The following PDHA1 variants were observed in gnomAD, a reference collection of about 807,000 sequenced individuals.
PDHA1 encodes pyruvate dehydrogenase E1 subunit alpha 1.
Under a neutral mutation model 33.0 loss-of-function variants are expected in PDHA1, and 1 was observed. The ratio of observed to expected loss-of-function variants is 0.03; its 90% CI spans 0.01 to 0.14. PDHA1 has a LOEUF of 0.14. Ranked by LOEUF, PDHA1 falls within the 10% of genes least tolerant of loss-of-function variation. The pLI, the probability that PDHA1 is intolerant of heterozygous loss-of-function variation, is 1.00. For missense variants in PDHA1, 168 were observed against 325.1 expected, an observed-to-expected ratio of 0.52 and a Z score of 3.72; for synonymous variants, 123 against 119.2, an observed-to-expected ratio of 1.03 and a Z score of -0.21.
rs1208154799 is a variant in PDHA1, at chrX:19,360,306, ATGTTTGTTAAATACCCCT to A, written c.*662_*679del. ...GTTCTGAGGCAGTGTCCCAGCTTCC[ATGTTTGTTAAATACCCCT>A]TGTTTGTTTCACCATTCCAGCAAGT... On this transcript the variant is annotated 3_prime_UTR_variant, in exon 11 of 11. Transcript: ENST00000422285. The A allele has an allele frequency of 1.4e-5, 2 of 141,733 alleles. No homozygotes were observed. The highest frequency in any genetic ancestry group is 3.2e-5 in the African/African-American group (1 of 31,187). The allele number at this position is 141,733 out of a possible 1,213,427, so 11.7% of individuals were successfully genotyped here. A position where few individuals can be genotyped will look rare whatever the true frequency, so the allele number is the denominator to read the frequency against.
At position 19,359,881 on chromosome X, in the gene PDHA1, G is replaced by T. The variant is rs1602233992; in HGVS notation, c.*228G>T. 1 of 427,094 alleles carries T rather than the reference G, an allele frequency of 2.3e-6. No homozygotes were observed. The highest frequency in any genetic ancestry group is 4.1e-6 in the Non-Finnish European group (1 of 241,586). 35.2% of individuals were successfully genotyped at this position (427,094 alleles called of 1,213,427 possible). A position where few individuals can be genotyped will look rare whatever the true frequency, so the allele number is the denominator to read the frequency against. ...TTTTTGACTTAAAATAGTATACTTT[G>T]AACAAATACTCTAATTATGAAAAGG... On this transcript the variant is annotated 3_prime_UTR_variant, in exon 11 of 11. Transcript: ENST00000422285.
Position 19,351,088 on chromosome X carries a change from G to A in PDHA1, c.292-193G>A, listed in dbSNP as rs143441153. Among the ~76,000 whole-genome samples the A allele has an allele frequency of 7.1e-3, 796 of 112,225 alleles. 4 individuals are homozygous for A. The highest frequency in any genetic ancestry group is 0.028 in the Middle Eastern group (6 of 218). ...TCATACAGGAGAAAGGAAGGAAGTG[G>A]CACATGTGTGGGTTGCCAGTTTATT... On this transcript the variant is annotated intron_variant, in intron 3 of 10. Transcript: ENST00000422285.
rs140924266 is a variant in PDHA1, at chrX:19,346,212, G to C, written c.57+2118G>C. Among the ~76,000 whole-genome samples the C allele has an allele frequency of 3.2e-3, 360 of 112,217 alleles. 2 individuals are homozygous for C. Among genetic ancestry groups the C allele is most frequent in the African/African-American group, 0.01 (319 of 30,967 alleles). ...TCTGTGTGATACTCCATGAAGGGAG[G>C]GAGAAGGGGAGGGAGAAGGGTAGGC... On this transcript the variant is annotated intron_variant, in intron 1 of 10. Transcript: ENST00000422285.
intron 4 of PDHA1, among the ~76,000 whole-genome samples, chrX:19,351,798 T>G (rs1055262987): frequency 1.1e-5 from 1 of 93,840 alleles, no homozygotes; most frequent in Non-Finnish European, 2.1e-5. Context: ...TTTGGTGGTT[T>G]TTTTTTTTTT....
In PDHA1 at chrX:19,347,031, C is replaced by G. The variant is rs756938512; in HGVS notation, c.58-2281C>G. The stretch of plus-strand genomic sequence containing the variant: ...GCACAGTCATAGCTCACTGTAGCCT[C>G]AGGTGTGTGCCACCATACCTGACTA... On this transcript the variant is annotated intron_variant, in intron 1 of 10. Transcript: ENST00000422285. Among the ~76,000 whole-genome samples, 37 of 110,251 alleles carry G rather than the reference C, an allele frequency of 3.4e-4. No homozygotes were observed. The Admixed American group carries it at 3.6e-3, about 11-fold the overall frequency.
At chrX:19,359,143 A>C (rs2063236358) in intron 10 of PDHA1, 119 bp downstream of exon 10, 2 of 515,535 alleles carry the variant, frequency 3.9e-6, no homozygotes, top group Admixed American at 5.6e-5. Flanking sequence ...GGACATAAAT[A>C]GTTCCATAGT....
At chrX:19,358,572 C>T (rs2063223419) in intron 9 of PDHA1, among the ~76,000 whole-genome samples, 2 of 111,544 alleles carry the variant, frequency 1.8e-5, no homozygotes, top group Admixed American at 9.6e-5. Context: ...GGACAAGTGA[C>T]ACTTCTTTAG....
At chrX:19,344,249 C>A (rs1337691073) in intron 1 of PDHA1, among the ~76,000 whole-genome samples, 155 bp downstream of exon 1, 1 of 112,953 alleles carries the variant, frequency 8.9e-6, no homozygotes, top group African/African-American at 3.2e-5. Context: ...CATTCCGTTC[C>A]TGGCCTCGGG....
rs2063150771 is a variant in PDHA1 at position 19,349,242 on chromosome X, A to G, written c.58-70A>G. The stretch of plus-strand genomic sequence containing the variant: ...TTCCATAACTTCATTCTGATAACTG[A>G]TTATTATACTTTCCAAAATAGCTGA... On this transcript the variant is annotated intron_variant, in intron 1 of 10. Coordinates refer to ENST00000422285, the MANE Select transcript of PDHA1 (RefSeq NM_000284.4). 4.2e-6 allele frequency: 3 copies of G among 709,236 alleles called. No homozygotes were observed. In the Admixed American group the frequency reaches 7.0e-5, roughly 16 times the overall value. 58.4% of individuals were successfully genotyped at this position (709,236 alleles called of 1,213,427 possible). A position where few individuals can be genotyped will look rare whatever the true frequency, so the allele number is the denominator to read the frequency against.
At position 19,360,659 on chromosome X, in the gene PDHA1, AAC is replaced by A. The variant is rs2063272066; in HGVS notation, c.*1010_*1011del. Reference sequence around the variant, plus strand: ...GAACAATGGCATTTTTAAATATGTAAACACAGCGGAATTCGTGTATACACTAA... The same window carrying A: ...GAACAATGGCATTTTTAAATATGTAAACAGCGGAATTCGTGTATACACTAA... On this transcript the variant is annotated 3_prime_UTR_variant, in exon 11 of 11. Coordinates refer to ENST00000422285, the MANE Select transcript of PDHA1 (RefSeq NM_000284.4). 3.0e-5 allele frequency: 20 copies of A among 674,643 alleles called. No individual in the cohort carries two copies. In the South Asian group the frequency reaches 4.1e-4, roughly 14 times the overall value. The allele number at this position is 674,643 out of a possible 1,213,427, so 55.6% of individuals were successfully genotyped here.
At chrX:19,344,804 A>G (rs2063120007) in intron 1 of PDHA1, among the ~76,000 whole-genome samples, 1 of 112,550 alleles carries the variant, frequency 8.9e-6, no homozygotes, top group Non-Finnish European at 1.9e-5. Context: ...AGTGTTATTT[A>G]TTGAGTCTCC....
Position 19,343,934 on chromosome X carries a change from C to T in PDHA1, c.-104C>T. ...ACGACTCTGTCACGCCGCGGTGCGA[C>T]TGAGGCGTGGCGTCTGCTGGGGCAC... On this transcript the variant is annotated 5_prime_UTR_variant, in exon 1 of 11. Transcript: ENST00000422285. 5.3e-6 allele frequency: 4 copies of T among 754,452 alleles called. No homozygotes were observed. The highest frequency in any genetic ancestry group is 6.1e-6 in the Non-Finnish European group (3 of 493,046). The allele number at this position is 754,452 out of a possible 1,213,427, so 62.2% of individuals were successfully genotyped here. A position where few individuals can be genotyped will look rare whatever the true frequency, so the allele number is the denominator to read the frequency against.
Position 19,361,093 on chromosome X carries a change from C to T in PDHA1, c.*1440C>T. 2.4e-6 allele frequency: 1 copy of T among 419,752 alleles called. No individual in the cohort carries two copies. The highest frequency in any genetic ancestry group is 3.8e-5 in the South Asian group (1 of 26,484). The allele number at this position is 419,752 out of a possible 1,213,427, so 34.6% of individuals were successfully genotyped here. ...GGGTCCAGCGTGCAGGCACGCTTGC[C>T]ATGTGCCTCCACCCACTCCCAGCCA... On this transcript the variant is annotated 3_prime_UTR_variant, in exon 11 of 11. Transcript: ENST00000422285.
In PDHA1 at chrX:19,361,564, C is replaced by A. The variant is rs368526609; in HGVS notation, c.*1911C>A. 9.9e-6 allele frequency: 12 copies of A among 1,208,838 alleles called. No homozygotes were observed. Among genetic ancestry groups the A allele is most frequent in the African/African-American group, 7.0e-5 (4 of 57,375 alleles). On this transcript the variant is annotated 3_prime_UTR_variant, in exon 11 of 11. Coordinates refer to ENST00000422285, the MANE Select transcript of PDHA1 (RefSeq NM_000284.4). ...ATAAGCTCTTTATCTGTTCTCTGCC[C>A]GTAGGGGCCTGCTGGGTTCTCTGTA...
intron 8 of PDHA1, 93 bp from the exon 9 acceptor site, chrX:19,357,559 T>TAATA: frequency 2.9e-6 from 2 of 680,187 alleles, no homozygotes; most frequent in Non-Finnish European, 2.4e-6. Flanking sequence ...ACTGGACGCT[T>TAATA]AATAAAGGGC....
At chrX:19,357,495 G>C (rs1019607362) in intron 8 of PDHA1, 157 bp from the exon 9 acceptor site, 1 of 556,144 alleles carries the variant, frequency 1.8e-6, no homozygotes, top group Admixed American at 2.3e-5. Flanking sequence ...AATGAGAACA[G>C]ATCAGTCAAC....
At chrX:19,358,774 T>C (rs2063227073) in intron 9 of PDHA1, 142 bp from the exon 10 acceptor site, 1 of 494,887 alleles carries the variant, frequency 2.0e-6, no homozygotes, top group Admixed American at 2.8e-5. Flanking sequence ...ACATAAGCAT[T>C]GGTATGCCCC....
At chrX:19,357,529 A>G (rs2147184230) in intron 8 of PDHA1, 123 bp from the exon 9 acceptor site, 1 of 587,492 alleles carries the variant, frequency 1.7e-6, no homozygotes, top group Non-Finnish European at 3.1e-6. Flanking sequence ...GTGACAACTC[A>G]GAAGATCTGA....
In PDHA1 at chrX:19,359,687, G is replaced by A; in HGVS notation, c.*34G>A. 2 of 1,143,790 alleles carry A rather than the reference G, an allele frequency of 1.7e-6. No homozygotes were observed. The highest frequency in any genetic ancestry group is 2.4e-4 in the Middle Eastern group (1 of 4,171). 94.3% of individuals were successfully genotyped at this position (1,143,790 alleles called of 1,213,427 possible). ...GAAGGAGAGGTTATACCTTCAGGGG[G>A]CTACCAGACAGTGTTCTCAACTTGG... On this transcript the variant is annotated 3_prime_UTR_variant, in exon 11 of 11. Transcript: ENST00000422285.
Sources: gnomAD v4.1 joint callset for allele counts (sites outside exome capture counted in the v4.1 genomes callset) on GRCh38, gnomAD v4.1.1 for gene constraint, MANE v1.5 for transcripts, NCBI Gene and HGNC (gene_info 2026-07-23, HGNC 2026-07-21) for gene names.